Variants in MBNL3 observed in about 807,000 individuals in gnomAD.
The protein encoded by MBNL3 is muscleblind like splicing regulator 3, also known as muscleblind-like protein 3.
A neutral mutation model predicts 24.5 loss-of-function variants in MBNL3; 6 were observed. The ratio of observed to expected loss-of-function variants is 0.25; its 90% CI spans 0.13 to 0.48. MBNL3 has a LOEUF of 0.48. Ranked by LOEUF, MBNL3 falls within the 20% of genes least tolerant of loss-of-function variation. The pLI is 0.99. For synonymous variants in MBNL3, 100 were observed against 101.7 expected (o/e 0.98, Z 0.10); for missense variants, 230 against 293.5 (o/e 0.78, Z 1.58).
intron 1 of MBNL3, among the ~76,000 whole-genome samples, chrX:132,471,812 G>C (rs1251415148): frequency 1.8e-5 from 2 of 113,027 alleles, no homozygotes; most frequent in Non-Finnish European, 3.7e-5. Context: ...GGGGGGAAGG[G>C]AAGATATTTA....
At position 132,391,005 on chromosome X, in the gene MBNL3, T is replaced by C. The variant is rs1312561356; in HGVS notation, c.613A>G (p.Met205Val). 1.7e-6 allele frequency: 2 copies of C among 1,211,472 alleles called. No individual in the cohort carries two copies. The highest frequency in any genetic ancestry group is 2.2e-6 in the Non-Finnish European group (2 of 895,380). The change falls in exon 5 of 9, where the codon ATG becomes GTG. Residue 205 changes from methionine to valine, a missense_variant. Met to Val is a conservative substitution (Grantham distance 21, BLOSUM62 1). Coordinates refer to ENST00000370853, the MANE Select transcript of MBNL3 (RefSeq NM_001386889.1). ...CRYAHPTDAS[M>V]IEASDNTVTI... ...ACAGTATTATCACTCGCTTCAATCA[T>C]GGAAGCATCAGTAGGGTGAGCATAG...
chrX:132,389,001 T>C (rs1197151561), intron 5 of MBNL3, among the ~76,000 whole-genome samples: 1 of 111,695 alleles, frequency 9.0e-6, no homozygotes, highest in African/African-American at 3.3e-5. Context: ...CAAGTAACAA[T>C]TGAAGGCCTA....
chrX:132,432,685 T>C (rs1429004175), intron 2 of MBNL3: 2 of 111,996 alleles, frequency 1.8e-5, no homozygotes, highest in Non-Finnish European at 3.8e-5. Flanking sequence ...TTCCTTTTTG[T>C]AGCTGAGTAA....
chrX:132,396,536 A>ATATATATTCC (rs1408298132), intron 3 of MBNL3, among the ~76,000 whole-genome samples: 2 of 59,239 alleles, frequency 3.4e-5, no homozygotes, highest in Non-Finnish European at 5.4e-5. Flanking sequence ...ATATATTCAT[A>ATATATATTCC]TATATATTCC....
chrX:132,463,684 TA>T (rs968137375), intron 1 of MBNL3, among the ~76,000 whole-genome samples: 23 of 110,991 alleles, frequency 2.1e-4, no homozygotes, highest in Admixed American at 1.8e-3. Context: ...CACACAATTT[TA>T]AAAAAAAGTA....
intron 1 of MBNL3, among the ~76,000 whole-genome samples, chrX:132,481,567 C>T (rs1316057830): frequency 8.9e-6 from 1 of 111,957 alleles, no homozygotes; most frequent in Non-Finnish European, 1.9e-5. Flanking sequence ...TGTCATCCCA[C>T]AAAATGACTT....
intron 3 of MBNL3, among the ~76,000 whole-genome samples, chrX:132,393,895 A>G (rs1481083494): frequency 1.8e-5 from 2 of 111,609 alleles, no homozygotes; most frequent in African/African-American, 6.5e-5. Context: ...GTGAAGGGCA[A>G]TGTATACTCA....
chrX:132,402,571 G>T (rs1262229393), intron 3 of MBNL3, among the ~76,000 whole-genome samples: 1 of 111,536 alleles, frequency 9.0e-6, no homozygotes, highest in Non-Finnish European at 1.9e-5. Context: ...GGAACATCAG[G>T]AACAATCTCT....
chrX:132,453,780 TTC>T (rs1035862409), intron 1 of MBNL3, among the ~76,000 whole-genome samples: 6 of 111,282 alleles, frequency 5.4e-5, no homozygotes, highest in African/African-American at 1.6e-4. Flanking sequence ...CAGCACCCCT[TTC>T]AAACCAGTGG....
At chrX:132,489,759 G>GCCGCCCGGCCCCGCC (rs1257532824), upstream of MBNL3, 4 of 108,118 alleles carry the variant, frequency 3.7e-5, no homozygotes, top group African/African-American at 1.3e-4. Context: ...GGCGCACGCG[G>GCCGCCCGGCCCCGCC]CCGCCCGGCC....
In MBNL3 at chrX:132,390,925, G is replaced by A; in HGVS notation, c.693C>T (p.Tyr231=). 1 of 1,211,479 alleles carries A rather than the reference G, an allele frequency of 8.3e-7. No homozygotes were observed. Among genetic ancestry groups the A allele is most frequent in the East Asian group, 3.0e-5 (1 of 33,834 alleles). The part of the protein sequence containing the change: ...KGRCSREKCK[Y]FHPPAHLQAR... ...CTTGCAAGTGTGCAGGAGGATGAAA[G>A]TACTTGCATTTCTCCCGCGAGCATC... Residue 231 remains tyrosine (Y), a synonymous_variant, in exon 5 of 9, where the codon TAC becomes TAT. Transcript: ENST00000370853.
At chrX:132,391,998 T>TA (rs1487547035) in intron 4 of MBNL3, 145 bp downstream of exon 4, 1 of 430,090 alleles carries the variant, frequency 2.3e-6, no homozygotes, top group African/African-American at 2.5e-5. Context: ...AAGGTATGAT[T>TA]GCAGTACTAA....
intron 2 of MBNL3, chrX:132,411,055 G>C (rs991573516): frequency 1.5e-6 from 1 of 660,605 alleles, no homozygotes; most frequent in African/African-American, 2.4e-5. Flanking sequence ...ATGCAGGCAA[G>C]AAATTTAGAG....
chrX:132,435,813 C>T (rs1945087310), intron 2 of MBNL3, among the ~76,000 whole-genome samples: 1 of 110,991 alleles, frequency 9.0e-6, no homozygotes, highest in Non-Finnish European at 1.9e-5. Flanking sequence ...ATTCTTGGCA[C>T]AAAACTACCC....
intron 2 of MBNL3, among the ~76,000 whole-genome samples, chrX:132,433,850 G>A (rs373964303): frequency 1.8e-5 from 2 of 110,894 alleles, no homozygotes; most frequent in African/African-American, 6.6e-5. Flanking sequence ...CCAGGCTGCC[G>A]CCAGCTTCAG....
At chrX:132,431,123 A>G (rs1944696422) in intron 2 of MBNL3, 1 of 111,508 alleles carries the variant, frequency 9.0e-6, no homozygotes, top group Non-Finnish European at 1.9e-5. Flanking sequence ...TTTTTAATTG[A>G]TAAATATCCT....
intron 3 of MBNL3, among the ~76,000 whole-genome samples, chrX:132,396,534 A>ATATATTCC (rs1569424237): frequency 0.027 from 1,176 of 43,640 alleles, 227 homozygotes; most frequent in African/African-American, 0.15. Flanking sequence ...ATATATATTC[A>ATATATTCC]TATATATATT....
intron 2 of MBNL3, among the ~76,000 whole-genome samples, chrX:132,420,077 G>T (rs1042603620): frequency 9.0e-6 from 1 of 111,247 alleles, no homozygotes; most frequent in African/African-American, 3.3e-5. Flanking sequence ...CTGACCTGGG[G>T]TTCTTGGCCT....
At chrX:132,472,159 T>C (rs749893934) in intron 1 of MBNL3, among the ~76,000 whole-genome samples, 28 of 111,926 alleles carry the variant, frequency 2.5e-4, no homozygotes, top group Non-Finnish European at 3.4e-4. Context: ...GCTCTACACA[T>C]GTTAAGGGCA....
Sources: gnomAD v4.1 joint callset for allele counts (sites outside exome capture counted in the v4.1 genomes callset) on GRCh38, gnomAD v4.1.1 for gene constraint, MANE v1.5 for transcripts, NCBI Gene and HGNC (gene_info 2026-07-23, HGNC 2026-07-21) for gene names.